The following TAS2R1 variants were observed in gnomAD, a reference collection of about 807,000 sequenced individuals.
The protein encoded by TAS2R1 is taste 2 receptor member 1, also known as taste receptor type 2 member 1.
For synonymous variants in TAS2R1, 141 were observed against 134.2 expected (o/e 1.05, Z -0.35); for missense variants, 370 against 353.4 (o/e 1.05, Z -0.38).
chr5:9,688,866 G>C (rs1166629027), intron 1 of TAS2R1, among the ~76,000 whole-genome samples: 7 of 152,130 alleles, frequency 4.6e-5, no homozygotes, highest in African/African-American at 1.7e-4. Context: ...GGCGGGAATG[G>C]AGCAGTGGGA....
intron 2 of TAS2R1, among the ~76,000 whole-genome samples, chr5:9,650,481 T>C (rs1322307724): frequency 6.6e-6 from 1 of 152,092 alleles, no homozygotes; most frequent in African/African-American, 2.4e-5. Flanking sequence ...ACCTACTACA[T>C]TGGGGATTAC....
At position 9,629,061 on chromosome 5, in the gene TAS2R1, G is replaced by T; in HGVS notation, c.*72C>A. ...TATTTATGAACAGGCTGCTTTGTCT[G>T]GCTGAGGGAAGTGTGGCAGGCATGG... On this transcript the variant is annotated 3_prime_UTR_variant, in exon 1 of 1. Coordinates refer to ENST00000382492, the MANE Select transcript of TAS2R1 (RefSeq NM_019599.3). The T allele has an allele frequency of 6.9e-7, 1 of 1,452,082 alleles. No homozygotes were observed. The highest frequency in any genetic ancestry group is 9.2e-7 in the Non-Finnish European group (1 of 1,089,084). 89.9% of individuals were successfully genotyped at this position (1,452,082 alleles called of 1,614,324 possible).
chr5:9,674,223 A>C (rs553510944), intron 1 of TAS2R1, among the ~76,000 whole-genome samples: 4 of 152,304 alleles, frequency 2.6e-5, no homozygotes, highest in Middle Eastern at 3.4e-3. Flanking sequence ...CAGGTCCCCT[A>C]TGTTCACTTG....
chr5:9,902,930 A>G, the TAS2R1 span, among the ~76,000 whole-genome samples: 2 of 151,938 alleles, frequency 1.3e-5, no homozygotes, highest in South Asian at 2.1e-4. Flanking sequence ...TTTGAAATAT[A>G]TCAGATAATT....
chr5:9,712,020 A>G (rs1734689614), intron 1 of TAS2R1, among the ~76,000 whole-genome samples: 1 of 98,082 alleles, frequency 1.0e-5, no homozygotes, highest in Non-Finnish European at 2.0e-5. Context: ...AGAGAGAAGG[A>G]AGGAAGGAAG....
the TAS2R1 span, among the ~76,000 whole-genome samples, chr5:9,750,665 T>C: frequency 2.0e-5 from 3 of 152,202 alleles, no homozygotes; most frequent in Admixed American, 2.0e-4. Flanking sequence ...AGCACATAAC[T>C]CATCACAATC....
At chr5:9,657,889 T>G (rs776073274) in intron 2 of TAS2R1, among the ~76,000 whole-genome samples, 3 of 152,198 alleles carry the variant, frequency 2.0e-5, no homozygotes, top group Admixed American at 6.5e-5. Context: ...AAATTTTATG[T>G]TATGTATATT....
chr5:9,884,692 T>C, the TAS2R1 span, among the ~76,000 whole-genome samples: 1 of 152,186 alleles, frequency 6.6e-6, no homozygotes, highest in Non-Finnish European at 1.5e-5. Flanking sequence ...CCAACCATTA[T>C]TATGCTGTCA....
At chr5:9,859,459 G>T in the TAS2R1 span, among the ~76,000 whole-genome samples, 1 of 152,122 alleles carries the variant, frequency 6.6e-6, no homozygotes, top group African/African-American at 2.4e-5. Flanking sequence ...TGAAAATTCA[G>T]CATTCCTTCT....
intron 1 of TAS2R1, among the ~76,000 whole-genome samples, chr5:9,661,703 C>T (rs917509643): frequency 1.4e-4 from 22 of 152,080 alleles, no homozygotes; most frequent in Non-Finnish European, 2.1e-4. Flanking sequence ...GTTTATAAAA[C>T]GAAAACTAGA....
the TAS2R1 span, among the ~76,000 whole-genome samples, chr5:9,839,887 A>G: frequency 5.9e-5 from 9 of 152,130 alleles, no homozygotes; most frequent in Non-Finnish European, 8.8e-5. Context: ...TACTTAATGT[A>G]ATCGATTTTT....
chr5:9,901,619 G>A, the TAS2R1 span, among the ~76,000 whole-genome samples: 1 of 152,054 alleles, frequency 6.6e-6, no homozygotes, highest in Non-Finnish European at 1.5e-5. Context: ...GGGTATTTTA[G>A]GGGATAAATC....
At chr5:9,799,840 T>G in the TAS2R1 span, among the ~76,000 whole-genome samples, 1 of 152,244 alleles carries the variant, frequency 6.6e-6, no homozygotes, top group Non-Finnish European at 1.5e-5. Context: ...CACATTTTCC[T>G]CTCAATGGCA....
rs114633158 is a variant in TAS2R1, at chr5:9,663,154, T to C, written c.-241-3573A>G. 5.9e-3 allele frequency among the ~76,000 whole-genome samples: 896 copies of C among 152,078 alleles called. 9 individuals are homozygous for C. The highest frequency in any genetic ancestry group is 0.02 in the African/African-American group (846 of 41,556). On this transcript the variant is annotated intron_variant, in intron 1 of 2. Coordinates refer to the TAS2R1 transcript ENST00000506620. ...AAAACTCATAAAGTTATCAGGATAA[T>C]AATTGGAAATTAGCTTAATCTCATG... is the stretch of plus-strand genomic sequence containing the variant.
At chr5:9,888,629 C>A in the TAS2R1 span, among the ~76,000 whole-genome samples, 3 of 152,162 alleles carry the variant, frequency 2.0e-5, no homozygotes, top group Non-Finnish European at 2.9e-5. Context: ...GTCATTCCCC[C>A]AAAAGTCCCA....
At chr5:9,829,028 G>A in the TAS2R1 span, among the ~76,000 whole-genome samples, 2 of 152,320 alleles carry the variant, frequency 1.3e-5, no homozygotes, top group East Asian at 3.9e-4. Context: ...TGAATACAGA[G>A]GAAATGGGCT....
intron 2 of TAS2R1, among the ~76,000 whole-genome samples, chr5:9,637,163 C>G (rs1484261596): frequency 6.6e-6 from 1 of 152,098 alleles, no homozygotes. Context: ...CTGAAAAAGA[C>G]TTTATCTGTC....
At chr5:9,772,205 C>A in the TAS2R1 span, among the ~76,000 whole-genome samples, 1 of 151,954 alleles carries the variant, frequency 6.6e-6, no homozygotes, top group African/African-American at 2.4e-5. Flanking sequence ...CGTTATATTG[C>A]CATTATGATT....
the TAS2R1 span, among the ~76,000 whole-genome samples, chr5:9,842,825 A>G: frequency 1.4e-4 from 22 of 152,078 alleles, no homozygotes; most frequent in East Asian, 1.9e-4. Context: ...TTATTGGGTC[A>G]TAACTGCCTT....
Sources: gnomAD v4.1 joint callset for allele counts (sites outside exome capture counted in the v4.1 genomes callset) on GRCh38, gnomAD v4.1.1 for gene constraint, MANE v1.5 for transcripts, NCBI Gene and HGNC (gene_info 2026-07-23, HGNC 2026-07-21) for gene names.